The following FAM131B variants were observed in gnomAD, a reference collection of about 807,000 sequenced individuals.
FAM131B encodes the protein protein FAM131B.
In FAM131B, 19 loss-of-function variants were observed where a neutral mutation model predicts 42.0. The observed-to-expected ratio is 0.45, with a 90% CI of 0.32 to 0.66. FAM131B has a LOEUF of 0.66. FAM131B is among the 30% of genes least tolerant of loss of function. FAM131B has a pLI of 0.05. For synonymous variants in FAM131B, 183 were observed against 177.6 expected (o/e 1.03, Z -0.24); for missense variants, 370 against 468.4 (o/e 0.79, Z 1.94).
upstream of FAM131B, among the ~76,000 whole-genome samples, chr7:143,366,017 C>T (rs1804173986): frequency 6.6e-6 from 1 of 152,194 alleles, no homozygotes. Context: ...ATCCCAAAGT[C>T]CTTGAATTAC....
At chr7:143,370,383 G>C in the FAM131B span, among the ~76,000 whole-genome samples, 4 of 152,190 alleles carry the variant, frequency 2.6e-5, no homozygotes, top group East Asian at 7.7e-4. Flanking sequence ...TTGAACCAGA[G>C]CAACTCCATC....
At chr7:143,363,981 TGAG>T (rs1312595342), upstream of FAM131B, 1 of 152,168 alleles carries the variant, frequency 6.6e-6, no homozygotes, top group Non-Finnish European at 1.5e-5. Flanking sequence ...AATTGCAGAT[TGAG>T]GAGATGAGAT....
the FAM131B span, chr7:143,381,342 G>A: frequency 8.7e-7 from 1 of 1,146,088 alleles, no homozygotes; most frequent in Admixed American, 4.8e-5. Flanking sequence ...TCCGGACCGG[G>A]ACGCAGAGTC....
chr7:143,363,220 T>C (rs1171023519), upstream of FAM131B, among the ~76,000 whole-genome samples: 2 of 152,204 alleles, frequency 1.3e-5, no homozygotes, highest in African/African-American at 2.4e-5. Context: ...TTGGGCTCTG[T>C]TGTTTCGAGT....
At chr7:143,362,988 C>G (rs1410273706), upstream of FAM131B, among the ~76,000 whole-genome samples, 1 of 152,012 alleles carries the variant, frequency 6.6e-6, no homozygotes, top group Non-Finnish European at 1.5e-5. The surrounding 1 kb of genome is among the most constrained non-coding windows in gnomAD (Gnocchi z 7.7). Flanking sequence ...CTGGAGAACC[C>G]CGGCTTGGGT....
In FAM131B at chr7:143,362,654, G is replaced by C. The variant is rs887866002; in HGVS notation, c.-51C>G. ...CCTCACCGACTCGGGGCGCGCGCCG[G>C]GGGGAGCACCGGGAGCCGCGCCGCC... On this transcript the variant is annotated 5_prime_UTR_variant, in exon 1 of 7. Transcript: ENST00000443739. The surrounding 1 kb of genome is among the most constrained non-coding windows in gnomAD (Gnocchi z 7.7). The C allele has an allele frequency of 1.4e-4, 158 of 1,141,876 alleles. No individual in the cohort carries two copies. The highest frequency in any genetic ancestry group is 1.5e-4 in the Non-Finnish European group (142 of 916,840). 70.7% of individuals were successfully genotyped at this position (1,141,876 alleles called of 1,614,324 possible).
chr7:143,371,613 C>CAAAAAAAAA, the FAM131B span, among the ~76,000 whole-genome samples: 4 of 75,006 alleles, frequency 5.3e-5, no homozygotes, highest in African/African-American at 1.0e-4. Flanking sequence ...GACCCTGTCT[C>CAAAAAAAAA]AAAAAAAAAA....
At chr7:143,372,712 A>C in the FAM131B span, among the ~76,000 whole-genome samples, 1 of 152,166 alleles carries the variant, frequency 6.6e-6, no homozygotes, top group East Asian at 1.9e-4. Flanking sequence ...TAATCCCAGC[A>C]CTTTGGGAGG....
In FAM131B at chr7:143,362,700, C is replaced by A. The variant is rs901772702; in HGVS notation, c.-97G>T. On this transcript the variant is annotated 5_prime_UTR_variant, in exon 1 of 7. Coordinates refer to ENST00000443739, the MANE Select transcript of FAM131B (RefSeq NM_001031690.3). The surrounding 1 kb of genome is among the most constrained non-coding windows in gnomAD (Gnocchi z 7.7). ...CCGCCGCCCCAGCCGCTCTGCAGCG[C>A]CGCGGCTGTCTCCGCTCGGCTCCGC... is the stretch of plus-strand genomic sequence containing the variant. The A allele has an allele frequency of 4.1e-5, 23 of 555,450 alleles. No homozygotes were observed. Among genetic ancestry groups the A allele is most frequent in the Non-Finnish European group, 5.6e-5 (22 of 394,214 alleles). The allele number at this position is 555,450 out of a possible 1,614,324, so 34.4% of individuals were successfully genotyped here. A position where few individuals can be genotyped will look rare whatever the true frequency, so the allele number is the denominator to read the frequency against.
the FAM131B span, among the ~76,000 whole-genome samples, chr7:143,371,199 A>G: frequency 6.6e-6 from 1 of 152,164 alleles, no homozygotes; most frequent in Non-Finnish European, 1.5e-5. Flanking sequence ...CTTATAGTCT[A>G]GTGAGAAGTG....
At chr7:143,364,581 T>C (rs1284666522), upstream of FAM131B, among the ~76,000 whole-genome samples, 2 of 152,198 alleles carry the variant, frequency 1.3e-5, no homozygotes, top group African/African-American at 4.8e-5. Flanking sequence ...ATCCAAATGA[T>C]TTAACATGAG....
chr7:143,360,567 G>C lies in FAM131B; in HGVS notation c.29-418C>G, dbSNP rs188587195. 8 of 239,498 alleles carry C rather than the reference G, an allele frequency of 3.3e-5. No homozygotes were observed. The East Asian group carries it at 9.4e-4, about 28-fold the overall frequency. 14.8% of individuals were successfully genotyped at this position (239,498 alleles called of 1,614,324 possible). On this transcript the variant is annotated intron_variant, in intron 1 of 6. Coordinates refer to ENST00000443739, the MANE Select transcript of FAM131B (RefSeq NM_001031690.3). ...AGGGTGGAAGGGATGTGTCTCCCCCGGTGGGCCCTTCCTAAGAGTCCATGA... is the reference window on the plus strand; with the variant it reads ...AGGGTGGAAGGGATGTGTCTCCCCCCGTGGGCCCTTCCTAAGAGTCCATGA...
At chr7:143,357,473 C>T in intron 5 of FAM131B, 50 bp from the exon 6 acceptor site, 1 of 1,557,634 alleles carries the variant, frequency 6.4e-7, no homozygotes, top group Non-Finnish European at 8.7e-7. Context: ...AATCCTTAGA[C>T]ATGTGCGTGG....
the FAM131B span, among the ~76,000 whole-genome samples, chr7:143,373,956 A>G: frequency 1.3e-5 from 2 of 152,134 alleles, no homozygotes; most frequent in Non-Finnish European, 2.9e-5. Flanking sequence ...TGTGCCTTGC[A>G]TCTGAGTGAG....
At chr7:143,380,387 G>A in the FAM131B span, 2 of 985,206 alleles carry the variant, frequency 2.0e-6, no homozygotes, top group Non-Finnish European at 2.4e-6. The surrounding 1 kb of genome is among the most constrained non-coding windows in gnomAD (Gnocchi z 5.0). Flanking sequence ...CGTCGCCCGG[G>A]GTCTCCACCA....
Position 143,360,099 on chromosome 7 carries a change from T to C in FAM131B, c.79A>G (p.Ile27Val), listed in dbSNP as rs1803882845. The change falls in exon 2 of 7, where the codon ATC becomes GTC. Residue 27 changes from isoleucine (I) to valine (V), a missense_variant. Ile to Val is a conservative substitution (Grantham distance 29). Transcript: ENST00000443739. ...AGTGAGCTGGTGCTGTCCATGTTGATTTGATCGACATCCTTCAGGCCCTTC... is the reference window on the plus strand; with the variant it reads ...AGTGAGCTGGTGCTGTCCATGTTGACTTGATCGACATCCTTCAGGCCCTTC... Reference protein sequence around the residue: ...DWKGLKDVDQINMDSTSSLHG... With the variant: ...DWKGLKDVDQVNMDSTSSLHG... 1 of 1,613,910 alleles carries C rather than the reference T, an allele frequency of 6.2e-7. No homozygotes were observed. Among genetic ancestry groups the C allele is most frequent in the Non-Finnish European group, 8.5e-7 (1 of 1,180,006 alleles).
Position 143,359,162 on chromosome 7 carries a change from G to T in FAM131B, c.269-138C>A. On this transcript the variant is annotated intron_variant, in intron 4 of 6. Transcript: ENST00000443739. This position sits in a 1 kb window ranked among gnomAD's most constrained non-coding sequence, Gnocchi z 5.4. Reference sequence around the variant, plus strand: ...CTCCCCTAAGGACTCCATAGATGGGGTAGTGGAGGGAATGGCCTGGAGGAT... The same window carrying T: ...CTCCCCTAAGGACTCCATAGATGGGTTAGTGGAGGGAATGGCCTGGAGGAT... The T allele has an allele frequency of 9.6e-7, 1 of 1,039,536 alleles. No homozygotes were observed. The highest frequency in any genetic ancestry group is 1.4e-6 in the Non-Finnish European group (1 of 700,986). The allele number at this position is 1,039,536 out of a possible 1,614,324, so 64.4% of individuals were successfully genotyped here.
At position 143,360,037 on chromosome 7, in the gene FAM131B, C is replaced by T; in HGVS notation, c.138+3G>A. 1.2e-6 allele frequency: 2 copies of T among 1,601,958 alleles called. No individual in the cohort carries two copies. The highest frequency in any genetic ancestry group is 1.7e-6 in the Non-Finnish European group (2 of 1,169,322). On this transcript the variant is annotated splice_donor_region_variant and intron_variant, in intron 2 of 6. Coordinates refer to ENST00000443739, the MANE Select transcript of FAM131B (RefSeq NM_001031690.3). Reference sequence around the variant, plus strand: ...GACTTGGGGTGGCTGAGTGAGGTCTCACCTCAGTCGATGGCCGATGGAGGC... The same window carrying T: ...GACTTGGGGTGGCTGAGTGAGGTCTTACCTCAGTCGATGGCCGATGGAGGC...
the FAM131B span, among the ~76,000 whole-genome samples, chr7:143,371,128 T>C: frequency 6.6e-6 from 1 of 152,172 alleles, no homozygotes; most frequent in African/African-American, 2.4e-5. Flanking sequence ...AAGGAGCACC[T>C]ACCTACTCTA....
Sources: gnomAD v4.1 joint callset for allele counts (sites outside exome capture counted in the v4.1 genomes callset) on GRCh38, gnomAD v4.1.1 for gene constraint, Gnocchi (gnomAD v3.1) non-coding constraint, MANE v1.5 for transcripts, NCBI Gene and HGNC (gene_info 2026-07-23, HGNC 2026-07-21) for gene names.